Variants in NUMB observed in about 807,000 individuals in gnomAD.
NUMB encodes the protein protein numb homolog.
NUMB carries 29 observed loss-of-function variants against 59.7 expected under a neutral mutation model. The observed-to-expected ratio is 0.49, with a 90% CI of 0.36 to 0.66. NUMB has a LOEUF of 0.66. Ranked by LOEUF, NUMB falls within the 30% of genes least tolerant of loss-of-function variation. The probability of loss-of-function intolerance (pLI) is 0.00; values close to 1 mark genes in which losing one functional copy is unlikely to be tolerated. For missense variants in NUMB, 723 were observed against 822.0 expected (o/e 0.88, Z 1.47); for synonymous variants, 288 against 288.2 (o/e 1.00, Z 0.01).
At position 73,341,474 on chromosome 14, in the gene NUMB, T is replaced by A. The variant is rs1188659375; in HGVS notation, c.126+14152A>T. On this transcript the variant is annotated intron_variant, in intron 4 of 12. Coordinates refer to ENST00000555238, the MANE Select transcript of NUMB (RefSeq NM_001005743.2). ...TAGTCAGTAAAACTGTATTATTTTT[T>A]AAAAATTAAAACATTACCAATGGTA... 3.3e-5 allele frequency among the ~76,000 whole-genome samples: 5 copies of A among 152,286 alleles called. No individual in the cohort carries two copies. The East Asian group carries it at 5.8e-4, about 18-fold the overall frequency.
chr14:73,396,354 G>A (rs1896137647), intron 2 of NUMB, among the ~76,000 whole-genome samples: 1 of 140,086 alleles, frequency 7.1e-6, no homozygotes, highest in Admixed American at 7.7e-5. Flanking sequence ...GTGTGTGTGT[G>A]TGTGTGTTTA....
chr14:73,374,843 C>T (rs1894873562), intron 2 of NUMB, among the ~76,000 whole-genome samples: 1 of 151,474 alleles, frequency 6.6e-6, no homozygotes, highest in Non-Finnish European at 1.5e-5. Context: ...GCCTCAGCCT[C>T]CTGAATAGCT....
chr14:73,318,813 A>G (rs1447393163), intron 5 of NUMB, among the ~76,000 whole-genome samples: 1 of 152,116 alleles, frequency 6.6e-6, no homozygotes, highest in Non-Finnish European at 1.5e-5. Flanking sequence ...TCTGAGGAGC[A>G]TATTTTTAAA....
chr14:73,317,964 G>A (rs1039762133), intron 5 of NUMB, among the ~76,000 whole-genome samples: 34 of 152,280 alleles, frequency 2.2e-4, no homozygotes, highest in African/African-American at 7.0e-4. Context: ...ACACTGGAAA[G>A]TTTGTTTTCC....
intron 9 of NUMB, 89 bp downstream of exon 9, chr14:73,287,021 A>T (rs765849339): frequency 8.1e-7 from 1 of 1,234,842 alleles, no homozygotes; most frequent in Non-Finnish European, 1.2e-6. Flanking sequence ...CTCTTTGATT[A>T]TGAGAAAATT....
chr14:73,302,490 T>A (rs909791453), intron 6 of NUMB, among the ~76,000 whole-genome samples: 1 of 149,662 alleles, frequency 6.7e-6, no homozygotes, highest in Non-Finnish European at 1.5e-5. Context: ...CACTGCAACC[T>A]CTGTCTCCTG....
At chr14:73,437,996 T>C (rs144952603) in intron 1 of NUMB, among the ~76,000 whole-genome samples, 27 of 152,358 alleles carry the variant, frequency 1.8e-4, no homozygotes, top group Non-Finnish European at 3.8e-4. Context: ...TACTATTTCC[T>C]ATCAAATTTG....
intron 2 of NUMB, among the ~76,000 whole-genome samples, chr14:73,367,296 T>TATACACACACAC (rs1406816784): frequency 9.9e-5 from 12 of 121,008 alleles, no homozygotes; most frequent in African/African-American, 4.4e-4. Context: ...TATATATATA[T>TATACACACACAC]ACACACACAC....
chr14:73,426,703 C>G (rs1198555655), intron 1 of NUMB, among the ~76,000 whole-genome samples: 1 of 152,086 alleles, frequency 6.6e-6, no homozygotes, highest in Non-Finnish European at 1.5e-5. Flanking sequence ...AAAAACTAGC[C>G]AGGCGTGGTG....
intron 2 of NUMB, among the ~76,000 whole-genome samples, chr14:73,392,037 T>C (rs112689794): frequency 0.012 from 1,881 of 152,266 alleles, 39 homozygotes; most frequent in African/African-American, 0.043. Context: ...TTGTTTTGCT[T>C]TGTTTTGTTT....
chr14:73,350,393 G>T (rs1167149143), intron 4 of NUMB, among the ~76,000 whole-genome samples: 1 of 151,080 alleles, frequency 6.6e-6, no homozygotes, highest in Non-Finnish European at 1.5e-5. Context: ...GGCTGGTCTC[G>T]AACTCCTTAC....
chr14:73,453,007 C>T (rs1471013523), intron 1 of NUMB, among the ~76,000 whole-genome samples: 4 of 152,174 alleles, frequency 2.6e-5, no homozygotes, highest in Non-Finnish European at 5.9e-5. Flanking sequence ...CCTCTAGATA[C>T]ACTTCCTGTA....
chr14:73,424,112 C>A (rs1595023428), intron 1 of NUMB, among the ~76,000 whole-genome samples: 3 of 150,580 alleles, frequency 2.0e-5, no homozygotes, highest in South Asian at 4.1e-4. Flanking sequence ...ATTGCAAAAA[C>A]CACAATTACT....
chr14:73,404,908 G>A (rs922203902), intron 2 of NUMB, among the ~76,000 whole-genome samples: 2 of 151,876 alleles, frequency 1.3e-5, no homozygotes, highest in Non-Finnish European at 2.9e-5. Flanking sequence ...TTACAGGCAC[G>A]CACCACTGAG....
intron 3 of NUMB, among the ~76,000 whole-genome samples, chr14:73,362,258 A>G (rs1454997869): frequency 2.0e-5 from 3 of 150,924 alleles, no homozygotes; most frequent in African/African-American, 7.3e-5. Context: ...CCTTGTCTCA[A>G]AAAAAAAATG....
chr14:73,454,381 ATTAGT>A (rs964137497), intron 1 of NUMB, among the ~76,000 whole-genome samples: 3 of 152,164 alleles, frequency 2.0e-5, no homozygotes, highest in Non-Finnish European at 4.4e-5. Context: ...TTTAAAGGTA[ATTAGT>A]TTAGGAAGTT....
At chr14:73,450,608 A>G (rs1278913229) in intron 1 of NUMB, among the ~76,000 whole-genome samples, 1 of 152,118 alleles carries the variant, frequency 6.6e-6, no homozygotes, top group African/African-American at 2.4e-5. Context: ...CAGCCTGGCC[A>G]ATATGGCGGA....
intron 2 of NUMB, among the ~76,000 whole-genome samples, chr14:73,398,939 A>T (rs902995397): frequency 1.3e-5 from 2 of 152,216 alleles, no homozygotes; most frequent in Non-Finnish European, 2.9e-5. Flanking sequence ...ATAAGGATGT[A>T]CACAGCAGCA....
At chr14:73,279,229 A>T in intron 12 of NUMB, 52 bp downstream of exon 12, 1 of 1,610,084 alleles carries the variant, frequency 6.2e-7, no homozygotes, top group Non-Finnish European at 8.5e-7. Context: ...TTTTAGAACC[A>T]GGGTCACTTA....
Sources: gnomAD v4.1 joint callset for allele counts (sites outside exome capture counted in the v4.1 genomes callset) on GRCh38, gnomAD v4.1.1 for gene constraint, MANE v1.5 for transcripts, NCBI Gene and HGNC (gene_info 2026-07-23, HGNC 2026-07-21) for gene names.